The following EXOC6 variants were observed in gnomAD, a reference collection of about 807,000 sequenced individuals.
EXOC6 encodes the protein exocyst complex component 6.
In EXOC6, 60 loss-of-function variants were observed where a neutral mutation model predicts 112.5. The observed-to-expected ratio is 0.53, with a 90% CI of 0.43 to 0.66. The LOEUF is 0.66. EXOC6 is among the 30% of genes least tolerant of loss of function. The pLI is 0.00. For synonymous variants in EXOC6, 295 were observed against 308.0 expected, an observed-to-expected ratio of 0.96 and a Z score of 0.44; for missense variants, 855 against 957.1, an observed-to-expected ratio of 0.89 and a Z score of 1.41.
intron 5 of EXOC6, among the ~76,000 whole-genome samples, chr10:92,903,254 A>G (rs1428155986): frequency 6.6e-6 from 1 of 152,002 alleles, no homozygotes; most frequent in Non-Finnish European, 1.5e-5. Context: ...ATCCTTGCAA[A>G]CGTATGGTGT....
At chr10:92,973,479 A>G (rs926607987) in intron 17 of EXOC6, among the ~76,000 whole-genome samples, 1 of 152,184 alleles carries the variant, frequency 6.6e-6, no homozygotes, top group South Asian at 2.1e-4. Context: ...ACAATTTTTG[A>G]TAAGTTTTCT....
At chr10:92,961,749 C>A (rs1589920712) in intron 17 of EXOC6, among the ~76,000 whole-genome samples, 1 of 149,426 alleles carries the variant, frequency 6.7e-6, no homozygotes. Context: ...ATAGAAAATG[C>A]CACTTATAAA....
chr10:92,935,379 G>C (rs1852284345), intron 11 of EXOC6, among the ~76,000 whole-genome samples: 1 of 152,004 alleles, frequency 6.6e-6, no homozygotes, highest in African/African-American at 2.4e-5. Flanking sequence ...GACAGGGACA[G>C]AGTAAATCTC....
intron 1 of EXOC6, among the ~76,000 whole-genome samples, chr10:92,841,386 G>T (rs781120852): frequency 6.6e-6 from 1 of 152,158 alleles, no homozygotes; most frequent in Non-Finnish European, 1.5e-5. Context: ...GGGGAGAGAG[G>T]TGTCAATTTG....
intron 18 of EXOC6, among the ~76,000 whole-genome samples, chr10:92,985,977 G>GTA (rs150716122): frequency 0.03 from 4,505 of 149,834 alleles, 155 homozygotes; most frequent in East Asian, 0.15. Context: ...ACCATATATT[G>GTA]TATATATATA....
intron 17 of EXOC6, among the ~76,000 whole-genome samples, chr10:92,967,366 T>G (rs1842112948): frequency 6.6e-6 from 1 of 152,086 alleles, no homozygotes; most frequent in African/African-American, 2.4e-5. Flanking sequence ...CCTCGTGACT[T>G]AAAAATTTCT....
At chr10:92,952,199 A>G in intron 14 of EXOC6, 74 bp from the exon 15 acceptor site, 1 of 880,714 alleles carries the variant, frequency 1.1e-6, no homozygotes, top group Non-Finnish European at 1.8e-6. Context: ...AATCAATTTA[A>G]TTTTACATTT....
At chr10:92,899,037 G>A (rs1254303970) in intron 4 of EXOC6, among the ~76,000 whole-genome samples, 1 of 152,108 alleles carries the variant, frequency 6.6e-6, no homozygotes, top group Non-Finnish European at 1.5e-5. Context: ...AGGATGAAAT[G>A]AATAAAGATG....
At chr10:92,898,867 T>C (rs1397968601) in intron 4 of EXOC6, among the ~76,000 whole-genome samples, 8 of 152,172 alleles carry the variant, frequency 5.3e-5, no homozygotes, top group Non-Finnish European at 7.4e-5. Flanking sequence ...GTCCATATTG[T>C]AGAGGGAAAG....
At chr10:92,990,510 A>G (rs527958378) in intron 18 of EXOC6, among the ~76,000 whole-genome samples, 1 of 152,338 alleles carries the variant, frequency 6.6e-6, no homozygotes, top group Non-Finnish European at 1.5e-5. Flanking sequence ...AAAGACCTAT[A>G]TAAAATGCAA....
At chr10:92,848,438 G>GCCCCCCCCCCCC, upstream of EXOC6, 1 of 196,086 alleles carries the variant, frequency 5.1e-6, no homozygotes, top group Non-Finnish European at 8.7e-6. Context: ...CGAGCGCCCC[G>GCCCCCCCCCCCC]CCCCCGCCCC....
chr10:93,049,858 A>G (rs564402580), intron 20 of EXOC6, among the ~76,000 whole-genome samples: 53 of 152,294 alleles, frequency 3.5e-4, no homozygotes, highest in African/African-American at 1.2e-3. Flanking sequence ...GTGAACCACC[A>G]TGGTAGGCCA....
At chr10:92,944,871 C>G (rs995276558) in intron 13 of EXOC6, among the ~76,000 whole-genome samples, 9 of 151,646 alleles carry the variant, frequency 5.9e-5, no homozygotes, top group African/African-American at 9.7e-5. Context: ...CTCCCAGGTT[C>G]AAGTGATTCT....
At chr10:92,926,765 C>T (rs1238067960) in intron 8 of EXOC6, among the ~76,000 whole-genome samples, 1 of 152,108 alleles carries the variant, frequency 6.6e-6, no homozygotes, top group Non-Finnish European at 1.5e-5. Context: ...AACTCCTGGC[C>T]TCAAGTGATC....
intron 1 of EXOC6, among the ~76,000 whole-genome samples, chr10:92,880,656 TA>T (rs900319029): frequency 1.7e-4 from 26 of 151,792 alleles, no homozygotes; most frequent in South Asian, 4.2e-4. Flanking sequence ...AACCTTGTGT[TA>T]AAAAAAATGG....
chr10:92,941,246 A>C (rs927206810), intron 13 of EXOC6, among the ~76,000 whole-genome samples: 1 of 152,178 alleles, frequency 6.6e-6, no homozygotes, highest in African/African-American at 2.4e-5. Flanking sequence ...ATATTGTAGC[A>C]TGTCAGAATT....
upstream of EXOC6, among the ~76,000 whole-genome samples, chr10:92,833,715 T>C (rs572476978): frequency 3.3e-5 from 5 of 152,382 alleles, no homozygotes; most frequent in South Asian, 4.1e-4. Flanking sequence ...AAGCTTCTTA[T>C]GGAAGAATGT....
chr10:92,952,981 C>G (rs1031753561), intron 15 of EXOC6, among the ~76,000 whole-genome samples: 3 of 152,104 alleles, frequency 2.0e-5, no homozygotes, highest in African/African-American at 7.2e-5. Flanking sequence ...GTACATGTGT[C>G]TTTTTGGTAA....
At chr10:92,895,947 C>T (rs1849729174) in intron 4 of EXOC6, among the ~76,000 whole-genome samples, 1 of 140,636 alleles carries the variant, frequency 7.1e-6, no homozygotes, top group Non-Finnish European at 1.5e-5. Flanking sequence ...AGGAAGGAGC[C>T]TAAACCTCCA....
Sources: allele counts gnomAD v4.1 joint callset (sites outside exome capture counted in the v4.1 genomes callset), GRCh38; gene constraint gnomAD v4.1.1; transcripts MANE v1.5; gene names NCBI Gene and HGNC (gene_info 2026-07-23, HGNC 2026-07-21).